ZC3H12C: variants seen among roughly 807,000 people sequenced by gnomAD.
ZC3H12C encodes the protein probable ribonuclease ZC3H12C.
A neutral mutation model predicts 76.3 loss-of-function variants in ZC3H12C; 20 were observed. The ratio of observed to expected loss-of-function variants is 0.26; its 90% CI spans 0.18 to 0.38. The LOEUF (loss-of-function observed/expected upper bound fraction) is 0.38. Among genes scored for constraint, ZC3H12C ranks in the 10% least tolerant of loss-of-function variants. The pLI is 1.00. For missense variants in ZC3H12C, 874 were observed against 1,086.5 expected (o/e 0.80, Z 2.75); for synonymous variants, 352 against 399.6 (o/e 0.88, Z 1.42).
chr11:110,118,369 C>T (rs905869298), intron 1 of ZC3H12C, among the ~76,000 whole-genome samples: 4 of 152,004 alleles, frequency 2.6e-5, no homozygotes, highest in African/African-American at 9.7e-5. Flanking sequence ...AAATCTTTTT[C>T]ACTGAAGTTT....
chr11:110,114,119 G>A (rs990729386), intron 1 of ZC3H12C, among the ~76,000 whole-genome samples: 5 of 152,080 alleles, frequency 3.3e-5, no homozygotes, highest in Admixed American at 6.6e-5. Flanking sequence ...CCGCTTCTCC[G>A]GGAGTATTCA....
intron 3 of ZC3H12C, among the ~76,000 whole-genome samples, chr11:110,155,159 G>A (rs1173958006): frequency 6.6e-6 from 1 of 151,904 alleles, no homozygotes; most frequent in Non-Finnish European, 1.5e-5. Flanking sequence ...CCTGGTGGCG[G>A]GCACCTGTAA....
rs1475413938 is a variant in ZC3H12C, at chr11:110,171,028, G to T, written c.*5291G>T. On this transcript the variant is annotated 3_prime_UTR_variant, in exon 6 of 6. Transcript: ENST00000278590. The stretch of plus-strand genomic sequence containing the variant: ...TAGAAAATGTGCATGTTTTAACTTG[G>T]TTTTATAAAATCTGTAATGTTTCAC... The T allele has an allele frequency of 6.6e-6, 1 of 152,078 alleles. No homozygotes were observed. Among genetic ancestry groups the T allele is most frequent in the Non-Finnish European group, 1.5e-5 (1 of 68,002 alleles). 9.4% of individuals were successfully genotyped at this position (152,078 alleles called of 1,614,324 possible).
intron 2 of ZC3H12C, among the ~76,000 whole-genome samples, chr11:110,142,749 C>T (rs989024837): frequency 6.6e-6 from 1 of 152,080 alleles, no homozygotes; most frequent in African/African-American, 2.4e-5. Context: ...TCCTTTAAAG[C>T]AGTACAATCC....
intron 2 of ZC3H12C, among the ~76,000 whole-genome samples, chr11:110,147,565 T>A (rs1862193481): frequency 6.6e-6 from 1 of 151,414 alleles, no homozygotes; most frequent in Non-Finnish European, 1.5e-5. Context: ...CATGTATACC[T>A]ATGTAACAAA....
rs1380181487 is a variant in ZC3H12C at position 110,109,703 on chromosome 11, A to T, written c.21+16271A>T. ...TAGTTTGTTTCTTGTTTTCTATTAG[A>T]TGCATTTACAACATAAATTTTTCTT... On this transcript the variant is annotated intron_variant, in intron 1 of 5. Coordinates refer to ENST00000278590, the MANE Select transcript of ZC3H12C (RefSeq NM_033390.2). 2.0e-5 allele frequency among the ~76,000 whole-genome samples: 3 copies of T among 152,050 alleles called. 1 individual carries two copies. Among genetic ancestry groups the T allele is most frequent in the Admixed American group, 2.0e-4 (3 of 15,272 alleles).
At chr11:110,131,020 G>T in intron 1 of ZC3H12C, 1 of 1,535,530 alleles carries the variant, frequency 6.5e-7, no homozygotes, top group Non-Finnish European at 8.7e-7. Context: ...CTTCTTGCCT[G>T]CCTGGAAGTC....
At chr11:110,124,639 T>G (rs1312803783) in intron 1 of ZC3H12C, among the ~76,000 whole-genome samples, 1 of 152,182 alleles carries the variant, frequency 6.6e-6, no homozygotes, top group Non-Finnish European at 1.5e-5. Flanking sequence ...ACTGGATAGG[T>G]GAGGCTGTAG....
rs1591458142 is a variant in ZC3H12C at position 110,105,987 on chromosome 11, A to AATTT, written c.21+12555_21+12556insATTT. Among the ~76,000 whole-genome samples, 229 of 76,154 alleles carry AATTT rather than the reference A, an allele frequency of 3.0e-3. 28 individuals are homozygous for AATTT. The highest frequency in any genetic ancestry group is 6.7e-3 in the Middle Eastern group (1 of 150). 50.0% of individuals were successfully genotyped at this position (76,154 alleles called of 152,430 possible). A position where few individuals can be genotyped will look rare whatever the true frequency, so the allele number is the denominator to read the frequency against. On this transcript the variant is annotated intron_variant, in intron 1 of 5. Transcript: ENST00000278590. ...AACTGCCATCTAGAAAAGTTATACC[A>AATTT]GCCGGGCGCGGTGGCTCACGCCTGT...
At chr11:110,156,075 G>A (rs1215752549) in intron 3 of ZC3H12C, among the ~76,000 whole-genome samples, 3 of 84,176 alleles carry the variant, frequency 3.6e-5, no homozygotes, top group African/African-American at 1.1e-4. Context: ...ACATCAGTAT[G>A]CAGATTGCTT....
At chr11:110,120,497 A>T (rs1861633770) in intron 1 of ZC3H12C, among the ~76,000 whole-genome samples, 1 of 152,158 alleles carries the variant, frequency 6.6e-6, no homozygotes, top group Non-Finnish European at 1.5e-5. Flanking sequence ...CACTAAATAG[A>T]CCTCAAAGAA....
chr11:110,168,196 A>C lies in ZC3H12C; in HGVS notation c.*2459A>C, dbSNP rs1862613968. 6.6e-6 allele frequency: 1 copy of C among 152,144 alleles called. No individual in the cohort carries two copies. Among genetic ancestry groups the C allele is most frequent in the Non-Finnish European group, 1.5e-5 (1 of 68,004 alleles). 9.4% of individuals were successfully genotyped at this position (152,144 alleles called of 1,614,324 possible). On this transcript the variant is annotated 3_prime_UTR_variant, in exon 6 of 6. Transcript: ENST00000278590. Reference sequence around the variant, plus strand: ...CCTCATGGATTTTAAATTATGGGAAAATAGTGTAGCCAGCTGCCACCTCTA... The same window carrying C: ...CCTCATGGATTTTAAATTATGGGAACATAGTGTAGCCAGCTGCCACCTCTA...
chr11:110,162,145 A>G (rs1388073124), intron 4 of ZC3H12C, among the ~76,000 whole-genome samples: 4 of 152,208 alleles, frequency 2.6e-5, no homozygotes, highest in Non-Finnish European at 5.9e-5. Context: ...CAAAAAGAAA[A>G]AAAGGATTAT....
intron 1 of ZC3H12C, among the ~76,000 whole-genome samples, chr11:110,099,673 G>A (rs1441355704): frequency 1.3e-5 from 2 of 152,000 alleles, no homozygotes; most frequent in Admixed American, 6.6e-5. Flanking sequence ...TCAGCTGGGT[G>A]TGGTGGCATG....
intron 1 of ZC3H12C, among the ~76,000 whole-genome samples, chr11:110,116,702 A>G (rs890142525): frequency 6.6e-6 from 1 of 152,226 alleles, no homozygotes; most frequent in Admixed American, 6.5e-5. Context: ...ACCATTTACT[A>G]TGTGACAATC....
chr11:110,139,869 C>CTTTTTTT (rs58867910), intron 2 of ZC3H12C, among the ~76,000 whole-genome samples: 2 of 131,526 alleles, frequency 1.5e-5, no homozygotes, highest in Non-Finnish European at 3.2e-5. Flanking sequence ...CATATATTTT[C>CTTTTTTT]TTTTTTTTTT....
rs1862682419 is a variant in ZC3H12C at position 110,171,644 on chromosome 11, A to ATG, written c.*5908_*5909dup. ...TCTTATGCTGGTTTGTTTTTCTTTAATGAAGAAATTGATCTCATATGGCAT... is the reference window on the plus strand; with the variant it reads ...TCTTATGCTGGTTTGTTTTTCTTTAATGTGAAGAAATTGATCTCATATGGCAT... On this transcript the variant is annotated 3_prime_UTR_variant, in exon 6 of 6. Transcript: ENST00000278590. 1 of 152,182 alleles carries ATG rather than the reference A, an allele frequency of 6.6e-6. No homozygotes were observed. The highest frequency in any genetic ancestry group is 1.5e-5 in the Non-Finnish European group (1 of 68,020). 9.4% of individuals were successfully genotyped at this position (152,182 alleles called of 1,614,324 possible).
rs201100498 is a variant in ZC3H12C, at chr11:110,137,298, A to G, written c.657A>G (p.Thr219=). The change falls in exon 2 of 6, where the codon ACA becomes ACG. Residue 219 remains threonine, a synonymous_variant. Transcript: ENST00000278590. ...DQTVSTINTI[T]RETSSLESQR... is the part of the protein sequence containing the mutation. ...CGGTTAGTACAATTAACACTATAAC[A>G]CGGGAAACTTCTTCCCTGGAATCTC... 6 of 1,613,960 alleles carry G rather than the reference A, an allele frequency of 3.7e-6. No individual in the cohort carries two copies. The African/African-American group carries it at 8.0e-5, about 22-fold the overall frequency.
chr11:110,104,247 C>T (rs945145114), intron 1 of ZC3H12C, among the ~76,000 whole-genome samples: 3 of 151,862 alleles, frequency 2.0e-5, no homozygotes, highest in Non-Finnish European at 2.9e-5. Flanking sequence ...TTAGTAGAGA[C>T]GAGGTTTTGC....
Sources: allele counts gnomAD v4.1 joint callset (sites outside exome capture counted in the v4.1 genomes callset), GRCh38; gene constraint gnomAD v4.1.1; transcripts MANE v1.5; gene names NCBI Gene and HGNC (gene_info 2026-07-23, HGNC 2026-07-21).